The following ALDH1L2 variants were observed in gnomAD, a reference collection of about 807,000 sequenced individuals.
ALDH1L2 encodes aldehyde dehydrogenase 1 family member L2.
In ALDH1L2, 91 loss-of-function variants were observed where a neutral mutation model predicts 111.0. The ratio of observed to expected loss-of-function variants is 0.82; its 90% confidence interval spans 0.69 to 0.98. ALDH1L2 has a LOEUF of 0.98. Among genes scored for constraint, ALDH1L2 ranks in the 50% least tolerant of loss-of-function variants. ALDH1L2 has a pLI of 0.00. For synonymous variants in ALDH1L2, 374 were observed against 392.6 expected, an observed-to-expected ratio of 0.95 and a Z score of 0.56; for missense variants, 995 against 1,126.8, an observed-to-expected ratio of 0.88 and a Z score of 1.67.
chr12:105,040,632 C>A lies in ALDH1L2; in HGVS notation c.1926G>T (p.Gly642=), dbSNP rs1333120750. The change falls in exon 16 of 23, where the codon GGG becomes GGT. Residue 642 remains glycine (G), a synonymous_variant. Transcript: ENST00000258494. ...CTGAGCCTGGAATGATGTTGATGACCCCCTTTGGAAAGCCTGCTTTCACAG... is the reference window on the plus strand; with the variant it reads ...CTGAGCCTGGAATGATGTTGATGACACCCTTTGGAAAGCCTGCTTTCACAG... ...ELSVKAGFPK[G]VINIIPGSGG... is the part of the protein sequence containing the mutation. The A allele has an allele frequency of 1.2e-6, 2 of 1,613,950 alleles. No individual in the cohort carries two copies. Among genetic ancestry groups the A allele is most frequent in the South Asian group, 1.1e-5 (1 of 91,086 alleles).
chr12:105,038,760 A>G (rs1057298206), intron 17 of ALDH1L2, among the ~76,000 whole-genome samples: 5 of 152,360 alleles, frequency 3.3e-5, no homozygotes, highest in Admixed American at 2.0e-4. Flanking sequence ...TGATGAGTAC[A>G]TAAAATTCAT....
chr12:105,065,177 G>T (rs1877270571), intron 6 of ALDH1L2, 90 bp downstream of exon 6: 1 of 859,472 alleles, frequency 1.2e-6, no homozygotes, highest in Non-Finnish European at 1.8e-6. Context: ...GACCAAGGAA[G>T]AACCATGGGA....
chr12:105,065,436 G>A (rs763641657), intron 5 of ALDH1L2, 80 bp from the exon 6 acceptor site: 412 of 1,157,218 alleles, frequency 3.6e-4, no homozygotes, highest in Middle Eastern at 9.9e-4. Flanking sequence ...CGTCATCAGA[G>A]GCAGAAACAC....
intron 18 of ALDH1L2, among the ~76,000 whole-genome samples, chr12:105,036,563 T>C (rs1875160498): frequency 2.1e-5 from 1 of 48,166 alleles, no homozygotes; most frequent in Non-Finnish European, 3.2e-5. Context: ...TATATATATA[T>C]ATAAAATGGA....
intron 1 of ALDH1L2, among the ~76,000 whole-genome samples, chr12:105,077,372 G>A (rs1188281071): frequency 1.3e-5 from 2 of 151,588 alleles, no homozygotes; most frequent in African/African-American, 2.4e-5. Context: ...CCGGGTTCAA[G>A]CAATTCTCCT....
At chr12:105,068,908 TA>T in intron 3 of ALDH1L2, 24 bp from the exon 4 acceptor site, 1 of 1,519,508 alleles carries the variant, frequency 6.6e-7, no homozygotes, top group Non-Finnish European at 8.8e-7. Flanking sequence ...AATTTCAATT[TA>T]AAATGTTGGT....
chr12:105,028,230 C>A (rs1330366642), intron 21 of ALDH1L2, among the ~76,000 whole-genome samples: 2 of 152,212 alleles, frequency 1.3e-5, no homozygotes, highest in African/African-American at 2.4e-5. Flanking sequence ...CCTGCCTCAG[C>A]CTCCTGAGTA....
At chr12:105,031,627 A>C in intron 20 of ALDH1L2, 142 bp downstream of exon 20, 1 of 1,171,956 alleles carries the variant, frequency 8.5e-7, no homozygotes, top group Non-Finnish European at 1.2e-6. Context: ...CCTCCCCAGT[A>C]GCAGGTGCGT....
intron 2 of ALDH1L2, among the ~76,000 whole-genome samples, chr12:105,071,625 TA>T (rs1877699861): frequency 4.8e-4 from 8 of 16,670 alleles, no homozygotes; most frequent in East Asian, 2.0e-3. Context: ...TATATATATA[TA>T]TATATATATA....
intron 9 of ALDH1L2, among the ~76,000 whole-genome samples, chr12:105,059,290 A>G (rs998553635): frequency 1.7e-5 from 1 of 57,590 alleles, no homozygotes; most frequent in Non-Finnish European, 5.4e-5. Flanking sequence ...AATAATAATA[A>G]TAATAATAAT....
In ALDH1L2 at chr12:105,040,625, T is replaced by C; in HGVS notation, c.1933A>G (p.Asn645Asp). 1 of 1,614,142 alleles carries C rather than the reference T, an allele frequency of 6.2e-7. No homozygotes were observed. The highest frequency in any genetic ancestry group is 8.5e-7 in the Non-Finnish European group (1 of 1,179,984). The change falls in exon 16 of 23, where the codon AAC becomes GAC. Residue 645 changes from asparagine to aspartate, a missense_variant. Coordinates refer to ENST00000258494, the MANE Select transcript of ALDH1L2 (RefSeq NM_001034173.4). ...VKAGFPKGVI[N>D]IIPGSGGIAG... ...GGCTTACCTGAGCCTGGAATGATGT[T>C]GATGACCCCCTTTGGAAAGCCTGCT...
chr12:105,067,069 AG>A (rs1877401360), intron 4 of ALDH1L2, among the ~76,000 whole-genome samples: 1 of 151,850 alleles, frequency 6.6e-6, no homozygotes, highest in Non-Finnish European at 1.5e-5. Flanking sequence ...ACAAAAAATC[AG>A]CCGGGCGTGG....
chr12:105,046,784 G>C lies in ALDH1L2; in HGVS notation c.1789C>G (p.Pro597Ala). 1 of 1,614,120 alleles carries C rather than the reference G, an allele frequency of 6.2e-7. No homozygotes were observed. Among genetic ancestry groups the C allele is most frequent in the South Asian group, 1.1e-5 (1 of 91,076 alleles). Residue 597 changes from proline to alanine, a missense_variant, in exon 15 of 23, where the codon CCG becomes GCG. Coordinates refer to ENST00000258494, the MANE Select transcript of ALDH1L2 (RefSeq NM_001034173.4). Reference protein sequence around the residue: ...VCAIIIPWNYPLMMLAWKSAA... With the variant: ...VCAIIIPWNYALMMLAWKSAA... ...CTCTTCCATGCCAGCATCATCAGCG[G>C]GTAGTTCCAGGGAATAATAATGGCA...
chr12:105,058,083 A>G lies in ALDH1L2; in HGVS notation c.1277T>C (p.Val426Ala), dbSNP rs553842489. 1.3e-4 allele frequency: 203 copies of G among 1,612,528 alleles called. No individual in the cohort carries two copies. The highest frequency in any genetic ancestry group is 1.6e-4 in the Non-Finnish European group (194 of 1,179,472). Reference protein sequence around the residue: ...LRGEDQEVELVVDYISKEVNE... With the variant: ...LRGEDQEVELAVDYISKEVNE... ...CAAGGAAAAGCTTACATAATCTACAACCAGCTCCACCTCTTGATCTTCTCC... is the reference window on the plus strand; with the variant it reads ...CAAGGAAAAGCTTACATAATCTACAGCCAGCTCCACCTCTTGATCTTCTCC... The change falls in exon 10 of 23, where the codon GTT (valine) becomes GCT (alanine). Residue 426 changes from valine to alanine, a missense_variant. Physicochemically the swap from Val to Ala is moderately conservative, Grantham distance 64 (BLOSUM62 0). Transcript: ENST00000258494.
At chr12:105,033,630 A>G (rs1310237628) in intron 19 of ALDH1L2, among the ~76,000 whole-genome samples, 1 of 152,100 alleles carries the variant, frequency 6.6e-6, no homozygotes, top group Non-Finnish European at 1.5e-5. Flanking sequence ...ATAATGACAT[A>G]GTATAAGTTA....
At chr12:105,076,368 T>C (rs945730059) in intron 1 of ALDH1L2, among the ~76,000 whole-genome samples, 1 of 152,158 alleles carries the variant, frequency 6.6e-6, no homozygotes, top group Admixed American at 6.5e-5. Flanking sequence ...AGACCCTAGT[T>C]TGGGCCAAGT....
rs746910115 is a variant in ALDH1L2, at chr12:105,034,325, A to ATGG, written c.2216_2218dup (p.Ser739_Ile740insThr). 7 of 1,614,080 alleles carry ATGG rather than the reference A, an allele frequency of 4.3e-6. No individual in the cohort carries two copies. The South Asian group carries it at 7.7e-5, about 18-fold the overall frequency. ...CACTCTTGTCACAAATTCGTCGTGG[A>ATGG]TGGATTCTTCCACGAACAACCGCCC... On this transcript the variant is annotated inframe_insertion, in exon 19 of 23. Transcript: ENST00000258494.
chr12:105,058,659 A>G lies in ALDH1L2; in HGVS notation c.1140-439T>C, dbSNP rs527510940. 2.0e-5 allele frequency among the ~76,000 whole-genome samples: 3 copies of G among 152,342 alleles called. No individual in the cohort carries two copies. In the East Asian group the frequency reaches 5.8e-4, roughly 29 times the overall value. Reference sequence around the variant, plus strand: ...TATAAGATGGACATTTGTTTGTATTACGTAGTTAACATAGGTACTAGCTAG... The same window carrying G: ...TATAAGATGGACATTTGTTTGTATTGCGTAGTTAACATAGGTACTAGCTAG... On this transcript the variant is annotated intron_variant, in intron 9 of 22. Transcript: ENST00000258494.
Position 105,021,027 on chromosome 12 carries a change from CT to C in ALDH1L2, c.*3396del. ...AAGAGGAAGAATAAGGACAGAGGCC[CT>C]GAGGCAGGAGCAGGCTTGTTCTGTT... On this transcript the variant is annotated 3_prime_UTR_variant, in exon 23 of 23. Transcript: ENST00000258494. The C allele has an allele frequency of 6.6e-6, 1 of 152,402 alleles. No homozygotes were observed. The highest frequency in any genetic ancestry group is 1.9e-4 in the East Asian group (1 of 5,194). 9.4% of individuals were successfully genotyped at this position (152,402 alleles called of 1,614,324 possible). A position where few individuals can be genotyped will look rare whatever the true frequency, so the allele number is the denominator to read the frequency against.
Sources: allele counts gnomAD v4.1 joint callset (sites outside exome capture counted in the v4.1 genomes callset), GRCh38; gene constraint gnomAD v4.1.1; transcripts MANE v1.5; gene names NCBI Gene and HGNC (gene_info 2026-07-23, HGNC 2026-07-21).